The following UGP2 variants were observed in gnomAD, a reference collection of about 807,000 sequenced individuals.
UGP2 encodes the protein UDP-glucose pyrophosphorylase 2.
Under a neutral mutation model 49.0 loss-of-function variants are expected in UGP2, and 40 were observed. That is an observed-to-expected ratio of 0.82 (90% CI 0.63 to 1.06). The LOEUF (loss-of-function observed/expected upper bound fraction) is 1.06. Among genes scored for constraint, UGP2 ranks in the 50% least tolerant of loss-of-function variants. The pLI, the probability that UGP2 is intolerant of heterozygous loss-of-function variation, is 0.00. For missense variants in UGP2, 460 were observed against 603.5 expected (o/e 0.76, Z 2.49); for synonymous variants, 225 against 213.0 (o/e 1.06, Z -0.49).
rs754916512 is a variant in UGP2, at chr2:63,857,790, G to C, written c.148-39G>C. 6 of 1,531,786 alleles carry C rather than the reference G, an allele frequency of 3.9e-6. No individual in the cohort carries two copies. The Admixed American group carries it at 7.2e-5, about 18-fold the overall frequency. 94.9% of individuals were successfully genotyped at this position (1,531,786 alleles called of 1,614,324 possible). On this transcript the variant is annotated intron_variant, in intron 2 of 9. Transcript: ENST00000337130. ...TCTTTATGTTTTTATTAAATATTAAGCATTCTGCTGGTTGTAACAATGACT... is the reference window on the plus strand; with the variant it reads ...TCTTTATGTTTTTATTAAATATTAACCATTCTGCTGGTTGTAACAATGACT...
At chr2:63,854,646 T>C (rs1241090736) in intron 1 of UGP2, among the ~76,000 whole-genome samples, 1 of 152,228 alleles carries the variant, frequency 6.6e-6, no homozygotes, top group Non-Finnish European at 1.5e-5. Context: ...TCTTGAATAT[T>C]TTTTATTCGT....
chr2:63,869,831 A>AGG (rs1400576302), intron 3 of UGP2, among the ~76,000 whole-genome samples: 13 of 152,132 alleles, frequency 8.5e-5, no homozygotes, highest in African/African-American at 3.1e-4. Context: ...TTGCCTTTGG[A>AGG]CTGTGAGGAC....
Position 63,884,007 on chromosome 2 carries a change from C to T in UGP2, c.489C>T (p.Asn163=). 6.2e-7 allele frequency: 1 copy of T among 1,611,988 alleles called. No homozygotes were observed. Among genetic ancestry groups the T allele is most frequent in the South Asian group, 1.1e-5 (1 of 90,470 alleles). Residue 163 remains asparagine, a synonymous_variant, in exon 5 of 10, where the codon AAC becomes AAT. Transcript: ENST00000337130. ...YNTDVPLVLM[N]SFNTDEDTKK... The stretch of plus-strand genomic sequence containing the variant: ...CAGATGTTCCTCTTGTTTTAATGAA[C>T]TCTTTTAACACGGATGAAGATACCA...
rs1439190621 is a variant in UGP2 at position 63,886,476 on chromosome 2, G to A, written c.1009G>A (p.Ala337Thr). 1 of 1,614,146 alleles carries A rather than the reference G, an allele frequency of 6.2e-7. No homozygotes were observed. Among genetic ancestry groups the A allele is most frequent in the South Asian group, 1.1e-5 (1 of 91,084 alleles). ...FNTNNLWISL[A>T]AVKRLQEQNA... The stretch of plus-strand genomic sequence containing the variant: ...TACAAACAACCTATGGATTTCTCTT[G>A]CAGCAGTTAAAAGACTGCAGGAGCA... Residue 337 changes from alanine (A) to threonine (T), a missense_variant, in exon 7 of 10, where the codon GCA becomes ACA. Physicochemically the swap from Ala to Thr is moderately conservative, Grantham distance 58 (BLOSUM62 0). Around this residue, in one of 2 missense-constraint regions of UGP2, gnomAD observed 317 missense variants for 473.0 expected, o/e 0.67. Coordinates refer to ENST00000337130, the MANE Select transcript of UGP2 (RefSeq NM_006759.4).
intron 1 of UGP2, among the ~76,000 whole-genome samples, chr2:63,850,258 T>C (rs954073356): frequency 3.3e-5 from 5 of 152,240 alleles, no homozygotes; most frequent in Non-Finnish European, 7.3e-5. Context: ...AGCGAGCTGC[T>C]CTGCATATTT....
chr2:63,882,046 T>C (rs964590402), intron 3 of UGP2, among the ~76,000 whole-genome samples: 1 of 152,232 alleles, frequency 6.6e-6, no homozygotes, highest in Non-Finnish European at 1.5e-5. Flanking sequence ...TTATATGTAG[T>C]TCTCCAGAAT....
intron 8 of UGP2, chr2:63,888,848 T>A (rs1001311334): frequency 6.6e-6 from 1 of 152,242 alleles, no homozygotes; most frequent in Non-Finnish European, 1.5e-5. Context: ...TCTGTGGACC[T>A]GCTGTAAAAC....
chr2:63,872,913 T>G (rs1670655864), intron 3 of UGP2, among the ~76,000 whole-genome samples: 1 of 152,130 alleles, frequency 6.6e-6, no homozygotes, highest in South Asian at 2.1e-4. Context: ...AGAGTGTCTG[T>G]GATGCTAGCC....
intron 1 of UGP2, 190 bp from the exon 2 acceptor site, chr2:63,856,116 G>T (rs1288076101): frequency 5.2e-6 from 3 of 573,606 alleles, no homozygotes; most frequent in Middle Eastern, 4.7e-4. Context: ...TTCTTGTTTA[G>T]TGGAGAATAT....
At chr2:63,843,201 C>T (rs1343033970) in intron 1 of UGP2, among the ~76,000 whole-genome samples, 2 of 152,244 alleles carry the variant, frequency 1.3e-5, no homozygotes, top group Admixed American at 6.5e-5. Flanking sequence ...ATTAACTCTT[C>T]TTTAAATTTT....
At position 63,842,087 on chromosome 2, in the gene UGP2, A is replaced by G. The variant is rs550926920; in HGVS notation, c.-99A>G. 7.0e-7 allele frequency: 1 copy of G among 1,420,434 alleles called. No homozygotes were observed. Among genetic ancestry groups the G allele is most frequent in the African/African-American group, 1.4e-5 (1 of 69,794 alleles). 88.0% of individuals were successfully genotyped at this position (1,420,434 alleles called of 1,614,324 possible). On this transcript the variant is annotated 5_prime_UTR_variant, in exon 1 of 10. Coordinates refer to ENST00000337130, the MANE Select transcript of UGP2 (RefSeq NM_006759.4). Reference sequence around the variant, plus strand: ...TTAAATATAGGAGGAGAAAGAATACATCGGTTGTTAAAGCAGGAGAGGAAG... The same window carrying G: ...TTAAATATAGGAGGAGAAAGAATACGTCGGTTGTTAAAGCAGGAGAGGAAG...
At position 63,885,576 on chromosome 2, in the gene UGP2, T is replaced by C; in HGVS notation, c.576-13T>C. On this transcript the variant is annotated splice_polypyrimidine_tract_variant and intron_variant, in intron 5 of 9. Coordinates refer to ENST00000337130, the MANE Select transcript of UGP2 (RefSeq NM_006759.4). The stretch of plus-strand genomic sequence containing the variant: ...AGGGTCAATATTGAAAAAGAACTTT[T>C]TTTTTTTTAAAGGTACCCGAGGATT... 1.3e-6 allele frequency: 2 copies of C among 1,515,968 alleles called. No individual in the cohort carries two copies. Among genetic ancestry groups the C allele is most frequent in the Non-Finnish European group, 1.8e-6 (2 of 1,137,954 alleles). The allele number at this position is 1,515,968 out of a possible 1,614,324, so 93.9% of individuals were successfully genotyped here. A position where few individuals can be genotyped will look rare whatever the true frequency, so the allele number is the denominator to read the frequency against.
Position 63,890,066 on chromosome 2 carries a change from C to G in UGP2, c.1315-15C>G, listed in dbSNP as rs1394914414. On this transcript the variant is annotated splice_polypyrimidine_tract_variant and intron_variant, in intron 8 of 9. Transcript: ENST00000337130. ...CCATTTGAGACAAATTTTTATGTTT[C>G]TCCTTTTCTGTAAGGTTCAAGATTA... 6.3e-7 allele frequency: 1 copy of G among 1,576,114 alleles called. No homozygotes were observed. The highest frequency in any genetic ancestry group is 1.9e-5 in the Admixed American group (1 of 53,324).
At chr2:63,861,960 TTA>T (rs1669880790) in intron 3 of UGP2, among the ~76,000 whole-genome samples, 1 of 152,090 alleles carries the variant, frequency 6.6e-6, no homozygotes, top group Non-Finnish European at 1.5e-5. Context: ...AAGTTACAGT[TTA>T]TGTGTGCAGA....
At chr2:63,872,556 A>T (rs1036837457) in intron 3 of UGP2, among the ~76,000 whole-genome samples, 13 of 152,218 alleles carry the variant, frequency 8.5e-5, no homozygotes, top group African/African-American at 3.1e-4. Context: ...GGTAGATTCT[A>T]AGAAACCCAG....
chr2:63,855,035 G>T (rs987270938), intron 1 of UGP2: 1 of 154,970 alleles, frequency 6.5e-6, no homozygotes, highest in African/African-American at 2.4e-5. Context: ...ATAAGTTATT[G>T]TTCTGCAGAG....
intron 1 of UGP2, among the ~76,000 whole-genome samples, chr2:63,844,510 G>A (rs1315224607): frequency 6.6e-6 from 1 of 152,000 alleles, no homozygotes; most frequent in Admixed American, 6.5e-5. Context: ...CCTTACAGGT[G>A]AGGAAAGTTA....
chr2:63,866,204 ATAT>A (rs1575825866), intron 3 of UGP2, among the ~76,000 whole-genome samples: 1 of 152,352 alleles, frequency 6.6e-6, no homozygotes, highest in East Asian at 1.9e-4. Flanking sequence ...CACAGAATGT[ATAT>A]TATTGATGTG....
Position 63,891,272 on chromosome 2 carries a change from C to A in UGP2, c.*45C>A, listed in dbSNP as rs545226805. The A allele has an allele frequency of 7.3e-6, 11 of 1,499,702 alleles. No homozygotes were observed. The highest frequency in any genetic ancestry group is 4.5e-5 in the East Asian group (2 of 44,082). The allele number at this position is 1,499,702 out of a possible 1,614,324, so 92.9% of individuals were successfully genotyped here. On this transcript the variant is annotated 3_prime_UTR_variant, in exon 10 of 10. Transcript: ENST00000337130. The stretch of plus-strand genomic sequence containing the variant: ...ACTTAAATAATGGGCTAGTTTCTTA[C>A]AATGAAATGTTCTCTAGGATTCTAA...
Sources: gnomAD v4.1 joint callset for allele counts (sites outside exome capture counted in the v4.1 genomes callset) on GRCh38, gnomAD v4.1.1 for gene constraint, gnomAD v4.1.1 regional missense constraint, MANE v1.5 for transcripts, NCBI Gene and HGNC (gene_info 2026-07-23, HGNC 2026-07-21) for gene names.